FAXC: variants seen among roughly 807,000 people sequenced by gnomAD.
FAXC encodes failed axon connections homolog, metaxin like GST domain containing, also known as failed axon connections homolog.
FAXC carries 10 observed loss-of-function variants against 41.9 expected under a neutral mutation model. The ratio of observed to expected loss-of-function variants is 0.24; its 90% CI spans 0.15 to 0.41. The LOEUF (loss-of-function observed/expected upper bound fraction) is 0.41. FAXC is among the 10% of genes least tolerant of loss of function. FAXC has a pLI of 1.00. For synonymous variants in FAXC, 183 were observed against 183.8 expected, an observed-to-expected ratio of 1.00 and a Z score of 0.03; for missense variants, 399 against 510.9, an observed-to-expected ratio of 0.78 and a Z score of 2.11.
intron 2 of FAXC, among the ~76,000 whole-genome samples, chr6:99,342,451 T>C (rs578189080): frequency 6.6e-6 from 1 of 152,158 alleles, no homozygotes; most frequent in Non-Finnish European, 1.5e-5. Context: ...TTCAAGTGAT[T>C]CTCCTGCCTC....
chr6:99,340,413 A>C lies in FAXC; in HGVS notation c.402+2485T>G, dbSNP rs545567490. Among the ~76,000 whole-genome samples the C allele has an allele frequency of 1.2e-4, 19 of 152,130 alleles. No individual in the cohort carries two copies. The South Asian group carries it at 3.9e-3, about 32-fold the overall frequency. ...ACCAGCCTGGCCTAATATTTTTAAA[A>C]TATAGAAGGAAAAGAACTTTGAACA... On this transcript the variant is annotated intron_variant, in intron 2 of 5. Transcript: ENST00000389677.
Position 99,280,693 on chromosome 6 carries a change from T to C in FAXC, c.*471A>G, listed in dbSNP as rs764705587. On this transcript the variant is annotated 3_prime_UTR_variant, in exon 6 of 6. Transcript: ENST00000389677. ...ATATCTGTGGATTTTATTTGACTTA[T>C]GTCTCAACATACAATATACACACAT... is the stretch of plus-strand genomic sequence containing the variant. The C allele has an allele frequency of 2.4e-5, 4 of 167,418 alleles. No individual in the cohort carries two copies. The highest frequency in any genetic ancestry group is 5.2e-5 in the Non-Finnish European group (4 of 76,918). The allele number at this position is 167,418 out of a possible 1,614,324, so 10.4% of individuals were successfully genotyped here.
intron 2 of FAXC, 104 bp from the exon 3 acceptor site, chr6:99,333,651 G>C: frequency 2.0e-6 from 2 of 977,026 alleles, no homozygotes; most frequent in Non-Finnish European, 3.0e-6. Context: ...GATAGTGACA[G>C]TACTACTCAA....
intron 2 of FAXC, among the ~76,000 whole-genome samples, chr6:99,341,010 T>C (rs368113159): frequency 2.6e-5 from 4 of 151,984 alleles, no homozygotes; most frequent in African/African-American, 4.8e-5. Flanking sequence ...AGCAACACAA[T>C]TGGGATCAGG....
chr6:99,299,257 A>C (rs1771612515), intron 4 of FAXC, among the ~76,000 whole-genome samples: 1 of 152,110 alleles, frequency 6.6e-6, no homozygotes, highest in Non-Finnish European at 1.5e-5. Context: ...CTTCCTCCCT[A>C]ATTCTTTTCC....
chr6:99,342,711 C>A (rs987036441), intron 2 of FAXC, among the ~76,000 whole-genome samples, 187 bp downstream of exon 2: 3 of 152,154 alleles, frequency 2.0e-5, no homozygotes, highest in African/African-American at 7.2e-5. Context: ...CCTTTTTGAT[C>A]CATCATTATC....
intron 4 of FAXC, among the ~76,000 whole-genome samples, chr6:99,309,450 A>T (rs558825752): frequency 6.6e-6 from 1 of 152,288 alleles, no homozygotes; most frequent in South Asian, 2.1e-4. Context: ...GCTAAAACTA[A>T]TTTTTTCATT....
chr6:99,314,701 G>A (rs1017179703), intron 4 of FAXC, among the ~76,000 whole-genome samples: 3 of 152,146 alleles, frequency 2.0e-5, no homozygotes, highest in Non-Finnish European at 4.4e-5. Flanking sequence ...TTACACATAA[G>A]ACTGTGAGCT....
At chr6:99,295,356 CA>C (rs1329941621) in intron 4 of FAXC, among the ~76,000 whole-genome samples, 1 of 152,088 alleles carries the variant, frequency 6.6e-6, no homozygotes, top group African/African-American at 2.4e-5. Flanking sequence ...AGAAATGTTG[CA>C]AAAATAGCAC....
chr6:99,313,754 C>T (rs1772233560), intron 4 of FAXC, among the ~76,000 whole-genome samples: 1 of 152,140 alleles, frequency 6.6e-6, no homozygotes, highest in African/African-American at 2.4e-5. Context: ...CAGAATTGAA[C>T]TTATGTTGTT....
In FAXC at chr6:99,273,208, G is replaced by T. The variant is rs1344784785; in HGVS notation, c.*7956C>A. 6.6e-6 allele frequency: 1 copy of T among 152,090 alleles called. No individual in the cohort carries two copies. Among genetic ancestry groups the T allele is most frequent in the South Asian group, 2.1e-4 (1 of 4,822 alleles). The allele number at this position is 152,090 out of a possible 1,614,324, so 9.4% of individuals were successfully genotyped here. Reference sequence around the variant, plus strand: ...CAGAGGGTGCAGGTAAGTGTTTCCAGGTGGTGTCCGCCCATTAGCCCCGAA... The same window carrying T: ...CAGAGGGTGCAGGTAAGTGTTTCCATGTGGTGTCCGCCCATTAGCCCCGAA... On this transcript the variant is annotated 3_prime_UTR_variant, in exon 6 of 6. Coordinates refer to ENST00000389677, the MANE Select transcript of FAXC (RefSeq NM_032511.4).
chr6:99,346,490 G>A (rs1247508448), intron 1 of FAXC, among the ~76,000 whole-genome samples: 1 of 151,914 alleles, frequency 6.6e-6, no homozygotes, highest in Non-Finnish European at 1.5e-5. Context: ...GGGTTCAAGC[G>A]ATTCTCCTGC....
intron 5 of FAXC, among the ~76,000 whole-genome samples, chr6:99,288,799 A>C (rs574766033): frequency 9.3e-5 from 14 of 151,316 alleles, no homozygotes; most frequent in African/African-American, 3.2e-4. Flanking sequence ...GGAGAGTGAG[A>C]GCTGCTGGCG....
intron 5 of FAXC, among the ~76,000 whole-genome samples, chr6:99,285,081 A>G (rs1037524287): frequency 2.6e-5 from 4 of 152,036 alleles, no homozygotes; most frequent in African/African-American, 9.7e-5. Flanking sequence ...AGGGTCAGGC[A>G]TTGTACTACA....
At chr6:99,324,454 T>C (rs1772719052) in intron 3 of FAXC, among the ~76,000 whole-genome samples, 2 of 152,170 alleles carry the variant, frequency 1.3e-5, no homozygotes. Flanking sequence ...TGATTTGCTC[T>C]CCAAGAAAAT....
intron 3 of FAXC, among the ~76,000 whole-genome samples, chr6:99,323,910 C>T (rs1230710607): frequency 6.6e-6 from 1 of 152,064 alleles, no homozygotes; most frequent in African/African-American, 2.4e-5. Flanking sequence ...TTTCCTGGTA[C>T]CCACCCTCAG....
At chr6:99,330,674 G>A (rs956728305) in intron 3 of FAXC, among the ~76,000 whole-genome samples, 4 of 152,222 alleles carry the variant, frequency 2.6e-5, no homozygotes, top group Non-Finnish European at 2.9e-5. Flanking sequence ...AATCAATTGA[G>A]TCAAACAAGG....
intron 3 of FAXC, among the ~76,000 whole-genome samples, chr6:99,324,253 A>G (rs1772710113): frequency 6.6e-6 from 1 of 152,104 alleles, no homozygotes; most frequent in Non-Finnish European, 1.5e-5. Context: ...AAAAAAAGAT[A>G]CAGGGTCTTG....
chr6:99,332,573 G>C (rs1377491088), intron 3 of FAXC, among the ~76,000 whole-genome samples: 5 of 152,182 alleles, frequency 3.3e-5, no homozygotes, highest in African/African-American at 1.2e-4. Context: ...ACCACCGCCA[G>C]CTCAAGGCTA....
Sources: allele counts gnomAD v4.1 joint callset (sites outside exome capture counted in the v4.1 genomes callset), GRCh38; gene constraint gnomAD v4.1.1; transcripts MANE v1.5; gene names NCBI Gene and HGNC (gene_info 2026-07-23, HGNC 2026-07-21).